The following SLC25A13 variants were observed in gnomAD, a reference collection of about 807,000 sequenced individuals.
SLC25A13 encodes the protein electrogenic aspartate/glutamate antiporter SLC25A13, mitochondrial.
A neutral mutation model predicts 85.5 loss-of-function variants in SLC25A13; 70 were observed. That is an observed-to-expected ratio of 0.82 (90% CI 0.68 to 1.00). SLC25A13 has a LOEUF of 1.00. Ranked by LOEUF, SLC25A13 falls within the 50% of genes least tolerant of loss-of-function variation. SLC25A13 has a pLI of 0.00. For synonymous variants in SLC25A13, 259 were observed against 288.7 expected, an observed-to-expected ratio of 0.90 and a Z score of 1.04; for missense variants, 765 against 819.8, an observed-to-expected ratio of 0.93 and a Z score of 0.82.
At chr7:96,257,096 GC>G (rs1797666873) in intron 3 of SLC25A13, among the ~76,000 whole-genome samples, 1 of 152,172 alleles carries the variant, frequency 6.6e-6, no homozygotes, top group Non-Finnish European at 1.5e-5. Flanking sequence ...AGCACTAAAT[GC>G]CCATAGGAAA....
chr7:96,250,154 T>A (rs1797359202), intron 3 of SLC25A13, among the ~76,000 whole-genome samples: 1 of 151,948 alleles, frequency 6.6e-6, no homozygotes, highest in Non-Finnish European at 1.5e-5. Context: ...ACCACTGCAC[T>A]CCAGCCTGGG....
At chr7:96,232,721 G>C (rs1414184349) in intron 4 of SLC25A13, among the ~76,000 whole-genome samples, 1 of 149,410 alleles carries the variant, frequency 6.7e-6, no homozygotes, top group Non-Finnish European at 1.5e-5. Context: ...TTTGTATAAA[G>C]GCCTTTGTTT....
chr7:96,135,864 T>A (rs1342226766), intron 14 of SLC25A13, among the ~76,000 whole-genome samples: 1 of 149,702 alleles, frequency 6.7e-6, no homozygotes, highest in Non-Finnish European at 1.5e-5. Flanking sequence ...TTTGGTTTTT[T>A]TTTTTTTTTT....
intron 2 of SLC25A13, among the ~76,000 whole-genome samples, chr7:96,284,651 G>A (rs1798816287): frequency 6.6e-6 from 1 of 152,158 alleles, no homozygotes; most frequent in African/African-American, 2.4e-5. Context: ...TCCAGGGCGG[G>A]GCCAGGTGGA....
intron 1 of SLC25A13, among the ~76,000 whole-genome samples, chr7:96,308,130 G>A (rs1323427865): frequency 7.1e-6 from 1 of 140,970 alleles, no homozygotes; most frequent in Non-Finnish European, 1.5e-5. Context: ...TCTAGCCTGG[G>A]CAACAAGAGC....
chr7:96,232,528 C>G (rs1379801426), intron 4 of SLC25A13, among the ~76,000 whole-genome samples: 1 of 148,596 alleles, frequency 6.7e-6, no homozygotes, highest in Non-Finnish European at 1.5e-5. Context: ...ATAATTTGTA[C>G]AACAAACCCC....
At chr7:96,193,286 T>A (rs1051817481) in intron 5 of SLC25A13, 103 bp from the exon 6 acceptor site, 4 of 1,411,070 alleles carry the variant, frequency 2.8e-6, no homozygotes, top group South Asian at 1.2e-5. Context: ...AGAGTTTACA[T>A]CTTGATCTAA....
intron 1 of SLC25A13, among the ~76,000 whole-genome samples, chr7:96,305,373 G>C (rs555171353): frequency 6.6e-6 from 1 of 152,272 alleles, no homozygotes; most frequent in South Asian, 2.1e-4. Flanking sequence ...TTGGCATTAT[G>C]ATTCATAAAT....
chr7:96,222,155 T>C (rs1283037087), intron 4 of SLC25A13, among the ~76,000 whole-genome samples: 1 of 152,214 alleles, frequency 6.6e-6, no homozygotes, highest in African/African-American at 2.4e-5. Context: ...ATGCCACTTA[T>C]TAACATAAAC....
chr7:96,292,277 T>C (rs1799156580), intron 2 of SLC25A13, among the ~76,000 whole-genome samples: 2 of 152,078 alleles, frequency 1.3e-5, no homozygotes, highest in African/African-American at 2.4e-5. Flanking sequence ...ATGGGACGTA[T>C]CTCAAAATAA....
intron 3 of SLC25A13, among the ~76,000 whole-genome samples, chr7:96,244,955 A>AGT (rs1239757245): frequency 6.6e-6 from 1 of 150,718 alleles, no homozygotes; most frequent in African/African-American, 2.5e-5. Flanking sequence ...TATTGGCAAA[A>AGT]GTATATATAT....
intron 5 of SLC25A13, among the ~76,000 whole-genome samples, chr7:96,206,131 T>C (rs1795452368): frequency 6.6e-6 from 1 of 152,140 alleles, no homozygotes; most frequent in South Asian, 2.1e-4. Flanking sequence ...TCACAAGCAC[T>C]TTTTGGCTGT....
intron 2 of SLC25A13, among the ~76,000 whole-genome samples, chr7:96,281,339 T>C (rs763505715): frequency 1.4e-5 from 2 of 143,768 alleles, no homozygotes; most frequent in African/African-American, 2.6e-5. Context: ...TGCAGTGAGC[T>C]GAGACCGCCC....
intron 4 of SLC25A13, among the ~76,000 whole-genome samples, chr7:96,212,416 A>T (rs1266685200): frequency 6.6e-6 from 1 of 152,196 alleles, no homozygotes; most frequent in Non-Finnish European, 1.5e-5. Flanking sequence ...TCAACAGCAG[A>T]TTCAAACAGT....
At chr7:96,188,337 TG>T (rs1346680327) in intron 9 of SLC25A13, among the ~76,000 whole-genome samples, 2 of 152,204 alleles carry the variant, frequency 1.3e-5, no homozygotes, top group Non-Finnish European at 2.9e-5. Flanking sequence ...ACTTGCATGC[TG>T]CACACAAAAC....
At chr7:96,136,378 T>C (rs1792287682) in intron 14 of SLC25A13, among the ~76,000 whole-genome samples, 1 of 152,212 alleles carries the variant, frequency 6.6e-6, no homozygotes, top group Non-Finnish European at 1.5e-5. Context: ...CCAAGGAAGC[T>C]TTAATCAATT....
At chr7:96,205,881 A>G (rs1306176587) in intron 5 of SLC25A13, among the ~76,000 whole-genome samples, 1 of 152,118 alleles carries the variant, frequency 6.6e-6, no homozygotes, top group East Asian at 1.9e-4. Context: ...AGATCCTCAC[A>G]GCCACATGGT....
chr7:96,189,810 C>A, intron 7 of SLC25A13, 136 bp from the exon 8 acceptor site: 2 of 800,310 alleles, frequency 2.5e-6, no homozygotes, highest in South Asian at 1.4e-5. Context: ...CAAGTCAATC[C>A]AAATAAGGTA....
At chr7:96,195,006 C>T (rs980606998) in intron 5 of SLC25A13, among the ~76,000 whole-genome samples, 2 of 152,168 alleles carry the variant, frequency 1.3e-5, no homozygotes, top group Admixed American at 6.5e-5. Context: ...CCTCTGTCCT[C>T]ACATCTTCTC....
Sources: allele counts gnomAD v4.1 joint callset (sites outside exome capture counted in the v4.1 genomes callset), GRCh38; gene constraint gnomAD v4.1.1; transcripts MANE v1.5; gene names NCBI Gene and HGNC (gene_info 2026-07-23, HGNC 2026-07-21).